ESYT2: variants seen among roughly 807,000 people sequenced by gnomAD.
ESYT2 encodes the protein extended synaptotagmin-2.
In ESYT2, 54 loss-of-function variants were observed where a neutral mutation model predicts 107.2. The ratio of observed to expected loss-of-function variants is 0.50; its 90% CI spans 0.40 to 0.63. The LOEUF (loss-of-function observed/expected upper bound fraction) is 0.63. Among genes scored for constraint, ESYT2 ranks in the 30% least tolerant of loss-of-function variants. ESYT2 has a pLI of 0.00. For missense variants in ESYT2, 1,020 were observed against 1,094.5 expected (o/e 0.93, Z 0.96); for synonymous variants, 491 against 434.1 (o/e 1.13, Z -1.63).
chr7:158,808,681 G>GGC (rs1189904141), intron 1 of ESYT2, among the ~76,000 whole-genome samples: 1 of 152,042 alleles, frequency 6.6e-6, no homozygotes, highest in Admixed American at 6.6e-5. Flanking sequence ...CTGGCACAGG[G>GGC]GCTCACATCT....
chr7:158,797,209 T>G lies in ESYT2; in HGVS notation c.507+733A>C, dbSNP rs76869100. Among the ~76,000 whole-genome samples the G allele has an allele frequency of 4.5e-3, 687 of 152,292 alleles. 41 individuals are homozygous for G. The East Asian group carries it at 0.12, about 26-fold the overall frequency. ...TCACTCAGGCTGGAATGCCGTAGTG[T>G]GATCATGGCTCACTGCACTCTCCAC... On this transcript the variant is annotated intron_variant, in intron 3 of 22. Coordinates refer to ENST00000275418, the MANE Select transcript of ESYT2 (RefSeq NM_001367773.1).
chr7:158,778,763 T>C (rs953445651), intron 6 of ESYT2, among the ~76,000 whole-genome samples: 2 of 152,050 alleles, frequency 1.3e-5, no homozygotes, highest in Non-Finnish European at 2.9e-5. Flanking sequence ...ATGTTTGCAG[T>C]TGATGCAAAA....
At chr7:158,783,341 G>C (rs1405707198) in intron 6 of ESYT2, among the ~76,000 whole-genome samples, 1 of 152,166 alleles carries the variant, frequency 6.6e-6, no homozygotes, top group African/African-American at 2.4e-5. Flanking sequence ...GCAGCTGCTT[G>C]GCACCTGACC....
chr7:158,786,319 G>A (rs916420296), intron 6 of ESYT2, among the ~76,000 whole-genome samples: 1 of 152,132 alleles, frequency 6.6e-6, no homozygotes, highest in African/African-American at 2.4e-5. Flanking sequence ...GGCTAAAGAT[G>A]GGTAAGTTAA....
At position 158,798,000 on chromosome 7, in the gene ESYT2, C is replaced by T. The variant is rs376819369; in HGVS notation, c.449G>A (p.Arg150Gln). 1.1e-4 allele frequency: 174 copies of T among 1,614,032 alleles called. No individual in the cohort carries two copies. The highest frequency in any genetic ancestry group is 1.3e-4 in the Non-Finnish European group (156 of 1,180,002). ...LFRETIEPAV[R>Q]GANTHLSTFS... ...GGTGCTAAGGTGGGTGTTTGCTCCC[C>T]GCACGGCTGGTTCTATAGTTTCTCG... The change falls in exon 3 of 23, where the codon CGG becomes CAG. Residue 150 changes from arginine (R) to glutamine (Q), a missense_variant. Arg to Gln is a conservative substitution (Grantham distance 43). Transcript: ENST00000275418.
At chr7:158,755,757 ACCCCTC>A (rs1837733470) in intron 13 of ESYT2, among the ~76,000 whole-genome samples, 1 of 151,824 alleles carries the variant, frequency 6.6e-6, no homozygotes, top group Non-Finnish European at 1.5e-5. Flanking sequence ...AGCTCACCTA[ACCCCTC>A]AGGGTCTTGA....
intron 6 of ESYT2, among the ~76,000 whole-genome samples, chr7:158,774,285 TAAAAAC>T: frequency 6.6e-6 from 1 of 152,108 alleles, no homozygotes; most frequent in South Asian, 2.1e-4. Flanking sequence ...GAACAAAACT[TAAAAAC>T]AAACAAACAA....
chr7:158,767,808 T>C, intron 7 of ESYT2, 34 bp from the exon 8 acceptor site: 1 of 1,594,276 alleles, frequency 6.3e-7, no homozygotes, highest in Non-Finnish European at 8.6e-7. Flanking sequence ...GCAAACGGAC[T>C]ATCAGACATG....
intron 1 of ESYT2, among the ~76,000 whole-genome samples, chr7:158,818,058 G>A (rs1007536291): frequency 1.3e-5 from 2 of 152,078 alleles, no homozygotes; most frequent in African/African-American, 2.4e-5. Flanking sequence ...TATAATACAC[G>A]TTAAAATTAA....
chr7:158,768,270 A>G (rs1157944012), intron 7 of ESYT2, among the ~76,000 whole-genome samples: 1 of 152,332 alleles, frequency 6.6e-6, no homozygotes, highest in South Asian at 2.1e-4. Flanking sequence ...GTTGTTGTAC[A>G]CCAGTCCCCA....
chr7:158,817,036 C>T (rs1433098963), intron 1 of ESYT2, among the ~76,000 whole-genome samples: 1 of 152,302 alleles, frequency 6.6e-6, no homozygotes, highest in East Asian at 1.9e-4. Context: ...AATATCAACA[C>T]CAGCTTTATA....
chr7:158,743,765 C>T (rs770606057), intron 16 of ESYT2, 87 bp from the exon 17 acceptor site: 1 of 1,416,918 alleles, frequency 7.1e-7, no homozygotes, highest in Non-Finnish European at 9.4e-7. Context: ...GACCCTTTGT[C>T]CTCAGAGATA....
chr7:158,820,570 C>T (rs919997375), intron 1 of ESYT2, among the ~76,000 whole-genome samples: 6 of 152,154 alleles, frequency 3.9e-5, no homozygotes, highest in Non-Finnish European at 4.4e-5. Context: ...GCAGGAGGAT[C>T]GCTTGAGCCC....
rs528285039 is a variant in ESYT2, at chr7:158,763,076, T to C, written c.1184+7A>G. 1.1e-5 allele frequency: 18 copies of C among 1,610,798 alleles called. No homozygotes were observed. In the South Asian group the frequency reaches 1.3e-4, roughly 12 times the overall value. On this transcript the variant is annotated splice_region_variant and intron_variant, in intron 10 of 22. Transcript: ENST00000275418. ...CTCCTCCAATAACCACAATGGGCTT[T>C]ATTTACCTTCCTAAAAAGTCATCCT... is the stretch of plus-strand genomic sequence containing the variant.
At chr7:158,774,934 A>G (rs1838498126) in intron 6 of ESYT2, among the ~76,000 whole-genome samples, 1 of 152,238 alleles carries the variant, frequency 6.6e-6, no homozygotes, top group Non-Finnish European at 1.5e-5. Context: ...GCTTCTAAAT[A>G]CAATTAGATG....
Position 158,741,480 on chromosome 7 carries a change from G to A in ESYT2, c.2168+43C>T, listed in dbSNP as rs979995242. ...TCTCCCCCAGCGTGGGGTGGGGGGC[G>A]CTTGCTCTGCTGGTGAGAAACAACA... On this transcript the variant is annotated intron_variant, in intron 18 of 22. Coordinates refer to ENST00000275418, the MANE Select transcript of ESYT2 (RefSeq NM_001367773.1). The A allele has an allele frequency of 6.7e-6, 10 of 1,503,062 alleles. No homozygotes were observed. In the East Asian group the frequency reaches 6.9e-5, roughly 10 times the overall value. 93.1% of individuals were successfully genotyped at this position (1,503,062 alleles called of 1,614,324 possible).
At chr7:158,796,420 T>A (rs1411595181) in intron 3 of ESYT2, among the ~76,000 whole-genome samples, 1 of 152,224 alleles carries the variant, frequency 6.6e-6, no homozygotes, top group East Asian at 1.9e-4. Context: ...ATGTTGTACC[T>A]AACATACCAG....
intron 3 of ESYT2, among the ~76,000 whole-genome samples, chr7:158,795,666 A>C (rs957630039): frequency 6.6e-6 from 1 of 152,236 alleles, no homozygotes; most frequent in African/African-American, 2.4e-5. Context: ...TTAACTTGTC[A>C]CTGGGACTTT....
rs12056211 is a variant in ESYT2, at chr7:158,820,870, T to C, written c.330+8219A>G. ...CTAGGATTAAACAGATTTGCTGTGT[T>C]ATTGCCGGCTGGTAAATTTCTGAGT... On this transcript the variant is annotated intron_variant, in intron 1 of 22. Transcript: ENST00000275418. Among the ~76,000 whole-genome samples the C allele has an allele frequency of 2.6e-5, 4 of 152,370 alleles. No homozygotes were observed. In the East Asian group the frequency reaches 7.7e-4, roughly 29 times the overall value.
Sources: allele counts gnomAD v4.1 joint callset (sites outside exome capture counted in the v4.1 genomes callset), GRCh38; gene constraint gnomAD v4.1.1; transcripts MANE v1.5; gene names NCBI Gene and HGNC (gene_info 2026-07-23, HGNC 2026-07-21).